The following RBM34 variants were observed in gnomAD, a reference collection of about 807,000 sequenced individuals.
RBM34 encodes RNA-binding protein 34.
RBM34 carries 39 observed loss-of-function variants against 44.6 expected under a neutral mutation model. That is an observed-to-expected ratio of 0.87 (90% CI 0.68 to 1.14). The LOEUF is 1.14. Ranked by LOEUF, RBM34 falls within the 50% of genes most tolerant of loss-of-function variation. The pLI, the probability that RBM34 is intolerant of heterozygous loss-of-function variation, is 0.00. For missense variants in RBM34, 572 were observed against 517.9 expected (o/e 1.10, Z -1.01); for synonymous variants, 194 against 184.0 (o/e 1.05, Z -0.44).
intron 3 of RBM34, among the ~76,000 whole-genome samples, chr1:235,158,299 C>G (rs188097181): frequency 4.0e-5 from 6 of 151,860 alleles, no homozygotes; most frequent in African/African-American, 1.4e-4. Context: ...CGCCTGTAAT[C>G]CCAGCTACTC....
intron 6 of RBM34, among the ~76,000 whole-genome samples, chr1:235,141,170 T>G (rs1196063418): frequency 6.6e-6 from 1 of 151,838 alleles, no homozygotes; most frequent in African/African-American, 2.4e-5. Context: ...GGTTTGTGAG[T>G]GCACCAATCG....
intron 3 of RBM34, among the ~76,000 whole-genome samples, chr1:235,155,597 C>T (rs927422452): frequency 6.0e-5 from 9 of 149,932 alleles, no homozygotes; most frequent in African/African-American, 2.0e-4. Flanking sequence ...TTCTGCCTCT[C>T]GGGTTCAAGC....
chr1:235,160,304 A>G (rs1411999691), intron 3 of RBM34: 2 of 733,024 alleles, frequency 2.7e-6, no homozygotes, highest in African/African-American at 3.5e-5. Context: ...TAAAAATACA[A>G]AAAGGTTAGC....
At chr1:235,155,262 T>G in intron 3 of RBM34, 150 bp from the exon 4 acceptor site, 1 of 676,798 alleles carries the variant, frequency 1.5e-6, no homozygotes, top group Non-Finnish European at 2.5e-6. Context: ...ATATCAAAAT[T>G]TTTAGAGCAG....
chr1:235,132,246 G>T (rs1558134570), intron 10 of RBM34, among the ~76,000 whole-genome samples: 2 of 147,576 alleles, frequency 1.4e-5, no homozygotes, highest in Non-Finnish European at 3.0e-5. Flanking sequence ...AGGCTTCGTG[G>T]TTTTTTTTTT....
chr1:235,134,766 C>T (rs1661344511), intron 10 of RBM34, among the ~76,000 whole-genome samples: 1 of 138,390 alleles, frequency 7.2e-6, no homozygotes, highest in Non-Finnish European at 1.5e-5. Flanking sequence ...TTTTTTGAGA[C>T]AGAGTTTTGC....
rs994370017 is a variant in RBM34 at position 235,160,818 on chromosome 1, C to G, written c.228+75G>C. 4 of 1,562,290 alleles carry G rather than the reference C, an allele frequency of 2.6e-6. No individual in the cohort carries two copies. In the East Asian group the frequency reaches 6.8e-5, roughly 26 times the overall value. ...TGCCCCCTTTAGAAATCACGCTTCA[C>G]GCGGTAGGTAAGAAGATTGCTTTGT... is the stretch of plus-strand genomic sequence containing the variant. On this transcript the variant is annotated intron_variant, in intron 2 of 10. Coordinates refer to ENST00000408888, the MANE Select transcript of RBM34 (RefSeq NM_015014.4).
At chr1:235,134,891 T>C (rs1322706212) in intron 10 of RBM34, among the ~76,000 whole-genome samples, 9 of 150,088 alleles carry the variant, frequency 6.0e-5, no homozygotes, top group Non-Finnish European at 1.2e-4. Flanking sequence ...ATTACAGGCA[T>C]GTGCCACCAT....
chr1:235,151,414 C>A (rs67673180), intron 5 of RBM34, among the ~76,000 whole-genome samples: 2 of 152,012 alleles, frequency 1.3e-5, no homozygotes, highest in Non-Finnish European at 2.9e-5. Context: ...GAAGGGCAGA[C>A]AAAAGATATG....
At chr1:235,148,820 G>A (rs548915415) in intron 5 of RBM34, among the ~76,000 whole-genome samples, 8 of 151,802 alleles carry the variant, frequency 5.3e-5, no homozygotes, top group East Asian at 3.9e-4. Flanking sequence ...GGATGGTCTC[G>A]ATCTCCTGAC....
At chr1:235,149,888 C>T (rs190740941) in intron 5 of RBM34, among the ~76,000 whole-genome samples, 98 of 152,262 alleles carry the variant, frequency 6.4e-4, no homozygotes, top group African/African-American at 2.0e-3. Context: ...GAAATTTTAA[C>T]TATTTCTTCT....
Position 235,154,974 on chromosome 1 carries a change from T to C in RBM34, c.504A>G (p.Gln168=). The change falls in exon 4 of 11, where the codon CAA becomes CAG. Residue 168 remains glutamine, a synonymous_variant. Transcript: ENST00000408888. ...CTTGGTTGATTTGAATTTTCTTTCT[T>C]TGACTGACAACTGTGTCTTCTGTGT... ...LDDTEDTVVS[Q]RKKIQINQEE... is the part of the protein sequence containing the mutation. 3.1e-6 allele frequency: 5 copies of C among 1,614,136 alleles called. No individual in the cohort carries two copies. The highest frequency in any genetic ancestry group is 4.2e-6 in the Non-Finnish European group (5 of 1,179,988).
chr1:235,152,348 T>C (rs1350979407), intron 5 of RBM34: 6 of 373,084 alleles, frequency 1.6e-5, no homozygotes, highest in African/African-American at 2.2e-5. Context: ...CCACCTCCCA[T>C]ACTAATGTGT....
Position 235,148,467 on chromosome 1 carries a change from A to AT in RBM34, c.658-21_658-20insA. On this transcript the variant is annotated intron_variant, in intron 5 of 10. Coordinates refer to ENST00000408888, the MANE Select transcript of RBM34 (RefSeq NM_015014.4). Reference sequence around the variant, plus strand: ...TGGAATCTTTCAAGAGAAAAAAAAAAGTATTAAAGACAGTATTTGAAGTAT... The same window carrying AT: ...TGGAATCTTTCAAGAGAAAAAAAAAATGTATTAAAGACAGTATTTGAAGTAT... 1 of 1,567,646 alleles carries AT rather than the reference A, an allele frequency of 6.4e-7. No individual in the cohort carries two copies. Among genetic ancestry groups the AT allele is most frequent in the Non-Finnish European group, 8.6e-7 (1 of 1,156,646 alleles).
chr1:235,155,140 A>G (rs1662342508), intron 3 of RBM34, 28 bp from the exon 4 acceptor site: 1 of 1,579,392 alleles, frequency 6.3e-7, no homozygotes, highest in Non-Finnish European at 8.7e-7. Context: ...TAAAATAAGC[A>G]GTAAGAGTCA....
chr1:235,135,227 T>TA (rs141434752), intron 10 of RBM34, among the ~76,000 whole-genome samples: 4,014 of 127,784 alleles, frequency 0.031, 542 homozygotes, highest in African/African-American at 0.12. Flanking sequence ...AAATTTTTTG[T>TA]ATTTTTTTTT....
chr1:235,155,832 T>TAC (rs1662394291), intron 3 of RBM34, among the ~76,000 whole-genome samples: 1 of 19,308 alleles, frequency 5.2e-5, no homozygotes, highest in East Asian at 1.5e-3. Flanking sequence ...CATATATATA[T>TAC]ATATATATAT....
chr1:235,152,849 T>G, intron 4 of RBM34, 84 bp from the exon 5 acceptor site: 2 of 1,206,988 alleles, frequency 1.7e-6, no homozygotes, highest in Admixed American at 2.5e-5. Context: ...AAAAATTGTC[T>G]GATAATCCTC....
At chr1:235,132,904 T>C (rs1372467528) in intron 10 of RBM34, among the ~76,000 whole-genome samples, 1 of 152,132 alleles carries the variant, frequency 6.6e-6, no homozygotes, top group Admixed American at 6.5e-5. Context: ...ACAGTAACAA[T>C]GGCAACAAAC....
Sources: gnomAD v4.1 joint callset for allele counts (sites outside exome capture counted in the v4.1 genomes callset) on GRCh38, gnomAD v4.1.1 for gene constraint, MANE v1.5 for transcripts, NCBI Gene and HGNC (gene_info 2026-07-23, HGNC 2026-07-21) for gene names.